TXNDC15: variants seen among roughly 807,000 people sequenced by gnomAD.
The protein encoded by TXNDC15 is thioredoxin domain containing 15, also known as thioredoxin domain-containing protein 15.
Under a neutral mutation model 35.0 loss-of-function variants are expected in TXNDC15, and 24 were observed. The observed-to-expected ratio is 0.68, with a 90% confidence interval of 0.50 to 0.96. TXNDC15 has a LOEUF of 0.96. TXNDC15 is among the 40% of genes least tolerant of loss of function. The probability of loss-of-function intolerance (pLI) is 0.00; values close to 1 mark genes in which losing one functional copy is unlikely to be tolerated. For missense variants in TXNDC15, 385 were observed against 453.3 expected, an observed-to-expected ratio of 0.85 and a Z score of 1.37; for synonymous variants, 169 against 174.0, an observed-to-expected ratio of 0.97 and a Z score of 0.23.
In TXNDC15 at chr5:134,893,547, A is replaced by T; in HGVS notation, c.647A>T (p.Tyr216Phe). The T allele has an allele frequency of 1.9e-6, 3 of 1,614,150 alleles. No homozygotes were observed. Among genetic ancestry groups the T allele is most frequent in the Non-Finnish European group, 2.5e-6 (3 of 1,180,032 alleles). Reference protein sequence around the residue: ...NGSDCTLVLFYTPWCRFSASL... With the variant: ...NGSDCTLVLFFTPWCRFSASL... ...AGTGACTGTACTCTAGTCCTGTTTT[A>T]CACCCCGTGGTGCCGCTTTTCTGCC... is the stretch of plus-strand genomic sequence containing the variant. The change falls in exon 3 of 5, where the codon TAC (tyrosine) becomes TTC (phenylalanine). Residue 216 changes from tyrosine (Y) to phenylalanine (F), a missense_variant. Physicochemically the swap from Tyr to Phe is conservative, Grantham distance 22 (BLOSUM62 3). Transcript: ENST00000358387.
At chr5:134,889,425 C>T (rs1197566385) in intron 2 of TXNDC15, among the ~76,000 whole-genome samples, 5 of 152,132 alleles carry the variant, frequency 3.3e-5, no homozygotes, top group East Asian at 1.9e-4. Context: ...GGTTTTACCA[C>T]GTTGGCCAGG....
chr5:134,896,748 A>C (rs563395478), intron 4 of TXNDC15, among the ~76,000 whole-genome samples: 1 of 144,078 alleles, frequency 6.9e-6, no homozygotes, highest in East Asian at 2.0e-4. Context: ...GGTTCACGCC[A>C]TTCTCCTGCC....
chr5:134,891,051 A>G (rs1750380234), intron 2 of TXNDC15, among the ~76,000 whole-genome samples: 1 of 152,180 alleles, frequency 6.6e-6, no homozygotes, highest in Non-Finnish European at 1.5e-5. Context: ...TTTTCTTGCT[A>G]TTTCTACCAC....
intron 3 of TXNDC15, 36 bp downstream of exon 3, chr5:134,893,691 T>C (rs1451190420): frequency 6.2e-7 from 1 of 1,612,362 alleles, no homozygotes; most frequent in Admixed American, 1.7e-5. Flanking sequence ...TCCATCCTCC[T>C]GGCTGATGGT....
intron 2 of TXNDC15, among the ~76,000 whole-genome samples, chr5:134,889,228 C>G (rs1255655009): frequency 6.6e-6 from 1 of 152,020 alleles, no homozygotes; most frequent in Non-Finnish European, 1.5e-5. Context: ...GACGGTGTAC[C>G]CTTTTTCTTT....
rs762738109 is a variant in TXNDC15, at chr5:134,896,380, A to G, written c.842A>G (p.Asp281Gly). 1 of 1,613,968 alleles carries G rather than the reference A, an allele frequency of 6.2e-7. No individual in the cohort carries two copies. Among genetic ancestry groups the G allele is most frequent in the East Asian group, 2.2e-5 (1 of 44,866 alleles). Reference sequence around the variant, plus strand: ...CCAATGGCCAGATTTAATCATACAGATCGAACACTGGAAACACTGAAAATC... The same window carrying G: ...CCAATGGCCAGATTTAATCATACAGGTCGAACACTGGAAACACTGAAAATC... The part of the protein sequence containing the change: ...AKPMARFNHT[D>G]RTLETLKIFI... Residue 281 changes from aspartate (D) to glycine (G), a missense_variant, in exon 4 of 5, where the codon GAT (aspartate) becomes GGT (glycine). Coordinates refer to ENST00000358387, the MANE Select transcript of TXNDC15 (RefSeq NM_024715.4).
At chr5:134,874,334 C>A, upstream of TXNDC15, 3 of 1,110,332 alleles carry the variant, frequency 2.7e-6, no homozygotes, top group Non-Finnish European at 3.7e-6. Context: ...GGCGCGGGGC[C>A]GCGCCCGCGC....
At chr5:134,896,105 C>T in intron 3 of TXNDC15, 189 bp from the exon 4 acceptor site, 1 of 503,242 alleles carries the variant, frequency 2.0e-6, no homozygotes. Context: ...AAAAGGAGTG[C>T]CCCCCAGCCA....
chr5:134,891,856 C>T (rs1750393790), intron 2 of TXNDC15, among the ~76,000 whole-genome samples: 1 of 152,092 alleles, frequency 6.6e-6, no homozygotes, highest in Non-Finnish European at 1.5e-5. Flanking sequence ...CTGAGGCTGC[C>T]ATGAGCCATG....
chr5:134,884,891 A>G (rs1164635451), intron 1 of TXNDC15, among the ~76,000 whole-genome samples: 1 of 148,444 alleles, frequency 6.7e-6, no homozygotes. Context: ...ACTTTGTTGA[A>G]TGCTGGATAT....
intron 2 of TXNDC15, among the ~76,000 whole-genome samples, chr5:134,888,807 T>G (rs1447415011): frequency 1.3e-5 from 2 of 152,180 alleles, no homozygotes; most frequent in Non-Finnish European, 2.9e-5. Flanking sequence ...AATGAAGTAT[T>G]TATTTATTAC....
At chr5:134,875,886 T>C (rs148808676) in intron 1 of TXNDC15, among the ~76,000 whole-genome samples, 1,561 of 152,212 alleles carry the variant, frequency 0.01, 25 homozygotes, top group African/African-American at 0.036. Context: ...GCCACGCTGG[T>C]CTGGAACTCC....
chr5:134,899,098 G>A (rs965081345), intron 4 of TXNDC15, among the ~76,000 whole-genome samples: 4 of 151,778 alleles, frequency 2.6e-5, no homozygotes, highest in Admixed American at 2.6e-4. Flanking sequence ...AAAGCATTTC[G>A]AATTTAGCAT....
At position 134,887,844 on chromosome 5, in the gene TXNDC15, G is replaced by T. The variant is rs138824182; in HGVS notation, c.253G>T (p.Asp85Tyr). 5.0e-6 allele frequency: 8 copies of T among 1,614,190 alleles called. No individual in the cohort carries two copies. The African/African-American group carries it at 9.3e-5, about 19-fold the overall frequency. ...AEEANAVLGL[D>Y]TQGDHMVMLS... Reference sequence around the variant, plus strand: ...AGAGGCCAATGCGGTGCTGGGGCTGGACACCCAAGGCGATCACATGGTGAT... The same window carrying T: ...AGAGGCCAATGCGGTGCTGGGGCTGTACACCCAAGGCGATCACATGGTGAT... The change falls in exon 2 of 5, where the codon GAC becomes TAC. Residue 85 changes from aspartate to tyrosine, a missense_variant. Physicochemically the swap from Asp to Tyr is radical, Grantham distance 160 (BLOSUM62 -3). Transcript: ENST00000358387.
chr5:134,892,125 T>G, intron 2 of TXNDC15: 1 of 152,138 alleles, frequency 6.6e-6, no homozygotes, highest in East Asian at 1.9e-4. Flanking sequence ...CCTTCATCAA[T>G]TCTCTTAGCT....
rs75509169 is a variant in TXNDC15, at chr5:134,890,344, G to A, written c.591+2162G>A. The stretch of plus-strand genomic sequence containing the variant: ...CATGCCTGGCCCACAGTTTCGTTTC[G>A]TTTTTTTCTTTTCTTTTCTTTTCTT... On this transcript the variant is annotated intron_variant, in intron 2 of 4. Transcript: ENST00000358387. Among the ~76,000 whole-genome samples the A allele has an allele frequency of 3.5e-3, 524 of 150,050 alleles. 8 individuals carry two copies. In the East Asian group the frequency reaches 0.038, roughly 11 times the overall value.
chr5:134,896,869 T>C (rs529313169), intron 4 of TXNDC15, among the ~76,000 whole-genome samples: 1 of 152,210 alleles, frequency 6.6e-6, no homozygotes, highest in Non-Finnish European at 1.5e-5. Flanking sequence ...GGTCTCGATC[T>C]CCTGACCTCG....
intron 2 of TXNDC15, 45 bp from the exon 3 acceptor site, chr5:134,893,447 A>G (rs770118786): frequency 1.2e-6 from 2 of 1,608,712 alleles, no homozygotes; most frequent in East Asian, 4.5e-5. Context: ...TTTCAGAAAA[A>G]TGTACTTTTA....
chr5:134,893,968 A>G (rs908193743), intron 3 of TXNDC15, among the ~76,000 whole-genome samples: 3 of 152,140 alleles, frequency 2.0e-5, no homozygotes, highest in Non-Finnish European at 2.9e-5. Context: ...AATCAGCACA[A>G]TTGGTATCAC....
Sources: gnomAD v4.1 joint callset for allele counts (sites outside exome capture counted in the v4.1 genomes callset) on GRCh38, gnomAD v4.1.1 for gene constraint, MANE v1.5 for transcripts, NCBI Gene and HGNC (gene_info 2026-07-23, HGNC 2026-07-21) for gene names.